Variants in MTUS1 observed in about 807,000 individuals in gnomAD.
MTUS1 encodes microtubule-associated tumor suppressor 1.
Under a neutral mutation model 120.8 loss-of-function variants are expected in MTUS1, and 109 were observed. The ratio of observed to expected loss-of-function variants is 0.90; its 90% CI spans 0.77 to 1.06. The LOEUF is 1.06. MTUS1 is among the 50% of genes least tolerant of loss of function. The probability of loss-of-function intolerance (pLI) is 0.00; values close to 1 mark genes in which losing one functional copy is unlikely to be tolerated. For missense variants in MTUS1, 2,210 were observed against 1,486.3 expected (o/e 1.49, Z -8.01); for synonymous variants, 737 against 550.5 (o/e 1.34, Z -4.74).
intron 4 of MTUS1, among the ~76,000 whole-genome samples, chr8:17,721,144 G>A (rs995909947): frequency 6.6e-6 from 1 of 152,044 alleles, no homozygotes; most frequent in African/African-American, 2.4e-5. Flanking sequence ...ACCAATATTT[G>A]TTAAAGGGAT....
intron 12 of MTUS1, among the ~76,000 whole-genome samples, chr8:17,651,217 G>C (rs1338700260): frequency 1.3e-5 from 2 of 152,116 alleles, no homozygotes; most frequent in Non-Finnish European, 2.9e-5. Flanking sequence ...GTGGGATGAG[G>C]AGAGGTTGGT....
At chr8:17,701,599 G>A (rs1819095566) in intron 6 of MTUS1, among the ~76,000 whole-genome samples, 1 of 152,086 alleles carries the variant, frequency 6.6e-6, no homozygotes, top group Admixed American at 6.6e-5. Context: ...CAAGGCTGGA[G>A]TGCAGTGGCG....
chr8:17,726,046 T>C (rs2131135933), intron 3 of MTUS1, among the ~76,000 whole-genome samples: 1 of 152,282 alleles, frequency 6.6e-6, no homozygotes. Context: ...TTCTCTCCAG[T>C]CATTTCGCTC....
intron 6 of MTUS1, among the ~76,000 whole-genome samples, chr8:17,709,179 A>G (rs1178006001): frequency 2.0e-5 from 3 of 151,686 alleles, no homozygotes; most frequent in Non-Finnish European, 2.9e-5. Flanking sequence ...ATTTCCCCAC[A>G]CTTCCCTGCT....
chr8:17,745,910 C>A (rs918075668), intron 2 of MTUS1, among the ~76,000 whole-genome samples: 2 of 152,136 alleles, frequency 1.3e-5, no homozygotes. Context: ...GTAACTGGAT[C>A]ATAGAAGCAG....
chr8:17,757,333 A>G (rs1342674946), intron 1 of MTUS1, among the ~76,000 whole-genome samples: 1 of 152,212 alleles, frequency 6.6e-6, no homozygotes, highest in Non-Finnish European at 1.5e-5. Context: ...CACTATTTAC[A>G]TGAAATGTCC....
chr8:17,703,402 G>C (rs990664954), intron 6 of MTUS1, among the ~76,000 whole-genome samples: 3 of 152,094 alleles, frequency 2.0e-5, no homozygotes, highest in Non-Finnish European at 4.4e-5. Context: ...GGGAGGCTGT[G>C]GCGGGCAGAT....
intron 13 of MTUS1, among the ~76,000 whole-genome samples, chr8:17,647,933 T>C (rs1806176983): frequency 6.6e-6 from 1 of 152,206 alleles, no homozygotes; most frequent in Non-Finnish European, 1.5e-5. Flanking sequence ...GTTTGGAACC[T>C]GATTGTTCTT....
In MTUS1 at chr8:17,743,738, C is replaced by T. The variant is rs1262136413; in HGVS notation, c.2153G>A (p.Gly718Asp). 3.7e-6 allele frequency: 6 copies of T among 1,614,020 alleles called. No individual in the cohort carries two copies. The highest frequency in any genetic ancestry group is 5.1e-6 in the Non-Finnish European group (6 of 1,180,024). ...GRNISKPDSC[G>D]LRQIAAPKAK... is the part of the protein sequence containing the mutation. ...TTTTGGAGCAGCTATTTGCCTCAAA[C>T]CGCAGGAGTCAGGCTTGGATATATT... Residue 718 changes from glycine to aspartate, a missense_variant, in exon 3 of 15, where the codon GGT becomes GAT. Gly to Asp is a moderately conservative substitution (Grantham distance 94). Coordinates refer to ENST00000693296, the MANE Select transcript of MTUS1 (RefSeq NM_001363059.2).
intron 4 of MTUS1, chr8:17,716,628 C>T (rs1434407296): frequency 1.9e-5 from 3 of 154,326 alleles, no homozygotes; most frequent in Non-Finnish European, 2.9e-5. Flanking sequence ...GATCTCGGCT[C>T]GCTGCAAGCT....
At chr8:17,714,170 G>C (rs879337861) in intron 5 of MTUS1, among the ~76,000 whole-genome samples, 1 of 152,140 alleles carries the variant, frequency 6.6e-6, no homozygotes, top group African/African-American at 2.4e-5. Context: ...TCCGAAATTT[G>C]ATTAACTCCC....
intron 1 of MTUS1, among the ~76,000 whole-genome samples, chr8:17,763,185 T>G (rs2049180779): frequency 6.6e-6 from 1 of 152,038 alleles, no homozygotes; most frequent in Admixed American, 6.5e-5. Flanking sequence ...AGAGGCAAGG[T>G]TTCACCATCT....
rs1197445236 is a variant in MTUS1 at position 17,653,185 on chromosome 8, C to G, written c.3384+1G>C. On this transcript the variant is annotated splice_donor_variant, in intron 12 of 14. Coordinates refer to ENST00000693296, the MANE Select transcript of MTUS1 (RefSeq NM_001363059.2). LOFTEE classifies it high-confidence loss of function. ...CTGATAAAGGAGCACACACAACTTA[C>G]CAAATTTGCTTTTTCTCTTGCTCTT... The G allele has an allele frequency of 6.6e-7, 1 of 1,523,048 alleles. No homozygotes were observed. The highest frequency in any genetic ancestry group is 8.8e-7 in the Non-Finnish European group (1 of 1,133,700). The allele number at this position is 1,523,048 out of a possible 1,614,324, so 94.3% of individuals were successfully genotyped here.
intron 2 of MTUS1, among the ~76,000 whole-genome samples, chr8:17,744,849 C>T (rs921325613): frequency 2.6e-5 from 4 of 151,986 alleles, no homozygotes; most frequent in Non-Finnish European, 2.9e-5. Flanking sequence ...ATTCTTTCAA[C>T]GAACTGCCAA....
intron 1 of MTUS1, among the ~76,000 whole-genome samples, chr8:17,772,702 C>G (rs1412264656): frequency 6.6e-6 from 1 of 152,192 alleles, no homozygotes; most frequent in Non-Finnish European, 1.5e-5. Context: ...AACCCACTAT[C>G]ATTCAATGTT....
intron 1 of MTUS1, among the ~76,000 whole-genome samples, chr8:17,799,846 C>A (rs1412562028): frequency 6.6e-6 from 1 of 151,902 alleles, no homozygotes; most frequent in Non-Finnish European, 1.5e-5. Context: ...AACTAAATTC[C>A]ACTTCTAAGG....
intron 1 of MTUS1, among the ~76,000 whole-genome samples, chr8:17,765,764 T>C (rs947552652): frequency 4.0e-5 from 6 of 151,066 alleles, no homozygotes; most frequent in African/African-American, 1.5e-4. Flanking sequence ...TCTTGGCTCT[T>C]TCAGAGACAG....
rs561430561 is a variant in MTUS1 at position 17,796,101 on chromosome 8, C to T, written c.-155+4960G>A. 1.1e-4 allele frequency among the ~76,000 whole-genome samples: 16 copies of T among 152,066 alleles called. No individual in the cohort carries two copies. In the South Asian group the frequency reaches 2.9e-3, roughly 28 times the overall value. ...AGTAGCTGGGATTACAGGCGCCCACCACCACACCCAGCTAATTTTTTGTAT... is the reference window on the plus strand; with the variant it reads ...AGTAGCTGGGATTACAGGCGCCCACTACCACACCCAGCTAATTTTTTGTAT... On this transcript the variant is annotated intron_variant, in intron 1 of 14. Transcript: ENST00000693296.
At chr8:17,778,965 T>C (rs570415460) in intron 1 of MTUS1, among the ~76,000 whole-genome samples, 208 of 152,286 alleles carry the variant, frequency 1.4e-3, no homozygotes, top group Admixed American at 3.9e-3. Flanking sequence ...TGCTCTGCTA[T>C]GAGCTAGTAC....
Sources: allele counts gnomAD v4.1 joint callset (sites outside exome capture counted in the v4.1 genomes callset), GRCh38; gene constraint gnomAD v4.1.1; transcripts MANE v1.5; gene names NCBI Gene and HGNC (gene_info 2026-07-23, HGNC 2026-07-21).